CHD9: variants seen among roughly 807,000 people sequenced by gnomAD.
CHD9 encodes the protein ATP-dependent chromatin remodeler CHD9.
Under a neutral mutation model 316.1 loss-of-function variants are expected in CHD9, and 77 were observed. That is an observed-to-expected ratio of 0.24 (90% CI 0.20 to 0.29). The LOEUF is 0.29. CHD9 is among the 10% of genes least tolerant of loss of function. CHD9 has a pLI of 1.00. For synonymous variants in CHD9, 1,129 were observed against 1,158.3 expected (o/e 0.97, Z 0.51); for missense variants, 2,763 against 3,438.1 (o/e 0.80, Z 4.91).
At chr16:53,307,133 A>G (rs1218162285) in intron 32 of CHD9, among the ~76,000 whole-genome samples, 1 of 152,048 alleles carries the variant, frequency 6.6e-6, no homozygotes, top group Non-Finnish European at 1.5e-5. Context: ...ACCTTTAAGA[A>G]TGAGGTTGGG....
At position 53,245,266 on chromosome 16, in the gene CHD9, T is replaced by C; in HGVS notation, c.3055-70T>C. ...AAATATTTGCATATTGATCATTCGATAATCTAAGTCAGCTTTCATATAATT... is the reference window on the plus strand; with the variant it reads ...AAATATTTGCATATTGATCATTCGACAATCTAAGTCAGCTTTCATATAATT... On this transcript the variant is annotated intron_variant, in intron 13 of 38. Transcript: ENST00000447540. This position sits in a 1 kb window ranked among gnomAD's most constrained non-coding sequence, Gnocchi z 4.1. The C allele has an allele frequency of 4.2e-6, 5 of 1,202,586 alleles. No homozygotes were observed. The South Asian group carries it at 9.4e-5, about 23-fold the overall frequency. The allele number at this position is 1,202,586 out of a possible 1,614,324, so 74.5% of individuals were successfully genotyped here. A position where few individuals can be genotyped will look rare whatever the true frequency, so the allele number is the denominator to read the frequency against.
rs913199463 is a variant in CHD9 at position 53,318,129 on chromosome 16, A to C, written c.7585-83A>C. ...ACCAAAAGGTAAATGCTATTAAATT[A>C]CTTGGATCAGCTCATTTTAATATTT... On this transcript the variant is annotated intron_variant, in intron 36 of 38. Transcript: ENST00000447540. 3 of 1,085,622 alleles carry C rather than the reference A, an allele frequency of 2.8e-6. No homozygotes were observed. In the African/African-American group the frequency reaches 4.9e-5, roughly 18 times the overall value. The allele number at this position is 1,085,622 out of a possible 1,614,324, so 67.2% of individuals were successfully genotyped here.
intron 1 of CHD9, among the ~76,000 whole-genome samples, chr16:53,132,326 C>T (rs2039388058): frequency 6.6e-6 from 1 of 151,982 alleles, no homozygotes; most frequent in Non-Finnish European, 1.5e-5. Context: ...ATAAAATTAC[C>T]GTCAGAATTT....
intron 8 of CHD9, among the ~76,000 whole-genome samples, 162 bp from the exon 9 acceptor site, chr16:53,231,257 T>C (rs2048149700): frequency 6.6e-6 from 1 of 152,188 alleles, no homozygotes. Flanking sequence ...TTTCATGTTA[T>C]CCTAGCTATC....
intron 1 of CHD9, among the ~76,000 whole-genome samples, chr16:53,067,224 T>C (rs192804279): frequency 1.1e-4 from 16 of 152,352 alleles, no homozygotes; most frequent in Non-Finnish European, 1.9e-4. Context: ...ATTACAGACA[T>C]GAGCCACAGA....
chr16:53,105,911 G>C (rs1011926768), intron 1 of CHD9, among the ~76,000 whole-genome samples: 1 of 150,970 alleles, frequency 6.6e-6, no homozygotes, highest in Non-Finnish European at 1.5e-5. Flanking sequence ...CAGCCTCCGC[G>C]TCCTGGGTTC....
chr16:53,303,659 G>A (rs1832471629), intron 30 of CHD9, 61 bp from the exon 31 acceptor site: 2 of 1,179,256 alleles, frequency 1.7e-6, no homozygotes, highest in Non-Finnish European at 2.3e-6. Context: ...TATTTATAAT[G>A]ATTTATTTAT....
chr16:53,230,966 TGAA>T (rs2048120667), intron 8 of CHD9, among the ~76,000 whole-genome samples: 1 of 152,184 alleles, frequency 6.6e-6, no homozygotes, highest in Admixed American at 6.5e-5. Flanking sequence ...AGGTATGGGT[TGAA>T]GAGTAAATGA....
At chr16:53,090,420 C>G (rs1206546842) in intron 1 of CHD9, among the ~76,000 whole-genome samples, 2 of 152,172 alleles carry the variant, frequency 1.3e-5, no homozygotes, top group African/African-American at 4.8e-5. Flanking sequence ...GGAAAAATCT[C>G]TCCTTGTGAA....
chr16:53,102,120 GA>G (rs377073753), intron 1 of CHD9, among the ~76,000 whole-genome samples: 252 of 152,310 alleles, frequency 1.7e-3, no homozygotes, highest in African/African-American at 5.8e-3. Flanking sequence ...GGGCAATGGA[GA>G]AACAGTGGCT....
Position 53,157,470 on chromosome 16 carries a change from C to G in CHD9, c.1381C>G (p.Arg461Gly). Reference sequence around the variant, plus strand: ...TCAGACTCAGTTGCAAAGTCAGGCTCGGAGTTGGCATTCATCATTTTCTAA... The same window carrying G: ...TCAGACTCAGTTGCAAAGTCAGGCTGGGAGTTGGCATTCATCATTTTCTAA... ...MAQTQLQSQA[R>G]SWHSSFSNHQ... The change falls in exon 2 of 39, where the codon CGG becomes GGG. Residue 461 changes from arginine to glycine, a missense_variant. Transcript: ENST00000447540. 1 of 1,613,902 alleles carries G rather than the reference C, an allele frequency of 6.2e-7. No homozygotes were observed. Among genetic ancestry groups the G allele is most frequent in the East Asian group, 2.2e-5 (1 of 44,884 alleles).
intron 1 of CHD9, among the ~76,000 whole-genome samples, chr16:53,064,277 A>G (rs1165535932): frequency 1.3e-5 from 2 of 152,040 alleles, no homozygotes; most frequent in Non-Finnish European, 2.9e-5. Context: ...AGTTCCTTCT[A>G]CTAGTTTCTG....
intron 1 of CHD9, among the ~76,000 whole-genome samples, chr16:53,063,456 G>C (rs1423675670): frequency 6.6e-6 from 1 of 151,500 alleles, no homozygotes; most frequent in African/African-American, 2.4e-5. Context: ...TGCCCTAAAA[G>C]GTTCCCCATT....
At chr16:53,237,489 A>G (rs1393728571) in intron 11 of CHD9, among the ~76,000 whole-genome samples, 1 of 152,168 alleles carries the variant, frequency 6.6e-6, no homozygotes, top group African/African-American at 2.4e-5. Flanking sequence ...TCTTCTATTT[A>G]TGACCCTACT....
chr16:53,208,461 G>C, intron 2 of CHD9: 1 of 1,170,098 alleles, frequency 8.5e-7, no homozygotes, highest in Non-Finnish European at 1.1e-6. Flanking sequence ...GTACTGCATC[G>C]CCATCTTGAG....
At chr16:53,268,681 A>T (rs999912721) in intron 22 of CHD9, among the ~76,000 whole-genome samples, 1 of 152,220 alleles carries the variant, frequency 6.6e-6, no homozygotes, top group Non-Finnish European at 1.5e-5. Flanking sequence ...AGAAATGCAG[A>T]ATCTTAGGCC....
chr16:53,189,813 A>G (rs1160042241), intron 2 of CHD9, among the ~76,000 whole-genome samples: 1 of 152,118 alleles, frequency 6.6e-6, no homozygotes, highest in Admixed American at 6.5e-5. Flanking sequence ...ATGATAGCGG[A>G]GGTATAAATG....
At chr16:53,234,044 A>T (rs950141157) in intron 10 of CHD9, among the ~76,000 whole-genome samples, 1 of 152,170 alleles carries the variant, frequency 6.6e-6, no homozygotes, top group Non-Finnish European at 1.5e-5. Flanking sequence ...ATTCTTTTAC[A>T]TATAATGTTT....
At chr16:53,098,201 C>T (rs1334323816) in intron 1 of CHD9, among the ~76,000 whole-genome samples, 19 of 148,268 alleles carry the variant, frequency 1.3e-4, no homozygotes, top group Admixed American at 1.3e-3. Flanking sequence ...GGCAGACAGG[C>T]GTGGTGGCTT....
Sources: allele counts gnomAD v4.1 joint callset (sites outside exome capture counted in the v4.1 genomes callset), GRCh38; gene constraint gnomAD v4.1.1; non-coding constraint Gnocchi (gnomAD v3.1); transcripts MANE v1.5; gene names NCBI Gene and HGNC (gene_info 2026-07-23, HGNC 2026-07-21).